SMARCAD1: variants seen among roughly 807,000 people sequenced by gnomAD.
SMARCAD1 encodes the protein SNF2 related chromatin remodeling ATPase with DExD box 1.
In SMARCAD1, 25 loss-of-function variants were observed where a neutral mutation model predicts 127.1. The ratio of observed to expected loss-of-function variants is 0.20; its 90% CI spans 0.14 to 0.27. The LOEUF (loss-of-function observed/expected upper bound fraction) is 0.27. SMARCAD1 is among the 10% of genes least tolerant of loss of function. The pLI, the probability that SMARCAD1 is intolerant of heterozygous loss-of-function variation, is 1.00. For synonymous variants in SMARCAD1, 400 were observed against 396.9 expected, an observed-to-expected ratio of 1.01 and a Z score of -0.09; for missense variants, 807 against 1,206.0, an observed-to-expected ratio of 0.67 and a Z score of 4.90.
intron 2 of SMARCAD1, among the ~76,000 whole-genome samples, chr4:94,219,615 C>T (rs1743771735): frequency 6.6e-6 from 1 of 152,080 alleles, no homozygotes; most frequent in Admixed American, 6.5e-5. Context: ...GAATTACTCC[C>T]TAGGGCCATG....
chr4:94,226,832 G>A (rs1253304198), intron 3 of SMARCAD1, among the ~76,000 whole-genome samples: 1 of 151,834 alleles, frequency 6.6e-6, no homozygotes, highest in Non-Finnish European at 1.5e-5. Flanking sequence ...AAAGGGAAGA[G>A]GAATAGGGAG....
At chr4:94,269,664 CTGT>C (rs200454016) in intron 10 of SMARCAD1, among the ~76,000 whole-genome samples, 252 of 151,430 alleles carry the variant, frequency 1.7e-3, no homozygotes, top group Non-Finnish European at 2.7e-3. Flanking sequence ...TGTTTTCATT[CTGT>C]TGTTGTTGTT....
chr4:94,239,244 A>G (rs1223645138), intron 5 of SMARCAD1, among the ~76,000 whole-genome samples: 3 of 152,132 alleles, frequency 2.0e-5, no homozygotes, highest in Non-Finnish European at 4.4e-5. Flanking sequence ...TGTTATTGAG[A>G]CAGGAAACTA....
At chr4:94,268,838 G>A (rs893083262) in intron 10 of SMARCAD1, among the ~76,000 whole-genome samples, 1 of 152,042 alleles carries the variant, frequency 6.6e-6, no homozygotes, top group African/African-American at 2.4e-5. Flanking sequence ...TCTGAAATAT[G>A]GTAAATATTC....
chr4:94,226,391 T>TC (rs1274844160), intron 3 of SMARCAD1, 95 bp downstream of exon 3: 4 of 919,702 alleles, frequency 4.3e-6, no homozygotes, highest in Non-Finnish European at 6.4e-6. Context: ...GACTTCCCTT[T>TC]TTTTTTTTTT....
intron 6 of SMARCAD1, among the ~76,000 whole-genome samples, chr4:94,242,608 G>A (rs2125888353): frequency 1.3e-5 from 2 of 152,156 alleles, no homozygotes; most frequent in Middle Eastern, 6.8e-3. Flanking sequence ...CCTTTGTAAA[G>A]TCAAGCTGGT....
At chr4:94,213,084 T>G in intron 2 of SMARCAD1, 1 of 1,288,318 alleles carries the variant, frequency 7.8e-7, no homozygotes, top group Non-Finnish European at 1.0e-6. Context: ...AGAGAGATCC[T>G]ACTATATTTT....
intron 6 of SMARCAD1, among the ~76,000 whole-genome samples, chr4:94,243,899 A>G (rs1189074411): frequency 1.3e-5 from 2 of 152,208 alleles, no homozygotes; most frequent in Non-Finnish European, 2.9e-5. Context: ...CACACAGTAC[A>G]TGCAGAGGGA....
chr4:94,275,920 C>G (rs912413576), intron 14 of SMARCAD1, among the ~76,000 whole-genome samples: 9 of 151,524 alleles, frequency 5.9e-5, no homozygotes, highest in Admixed American at 2.0e-4. Context: ...GCCTCAGCCT[C>G]CTGAATAGCT....
rs1747490069 is a variant in SMARCAD1 at position 94,240,966 on chromosome 4, TTAA to T, written c.667_669del (p.Asn223del). ...TCAGAGCCATATGAGGAAGATGAAT[TTAA>T]TGATGATCAATCTATAAAAAAGACA... is the stretch of plus-strand genomic sequence containing the variant. On this transcript the variant is annotated inframe_deletion, in exon 6 of 24. Coordinates refer to ENST00000354268, the MANE Select transcript of SMARCAD1 (RefSeq NM_020159.5). 6.2e-7 allele frequency: 1 copy of T among 1,613,150 alleles called. No homozygotes were observed. The highest frequency in any genetic ancestry group is 8.5e-7 in the Non-Finnish European group (1 of 1,179,520).
intron 2 of SMARCAD1, among the ~76,000 whole-genome samples, chr4:94,211,982 A>G (rs1188378911): frequency 6.6e-5 from 10 of 151,054 alleles, no homozygotes; most frequent in African/African-American, 1.7e-4. Context: ...CTAACATTAC[A>G]TTATATAGTT....
At chr4:94,243,187 C>T (rs1400909844) in intron 6 of SMARCAD1, among the ~76,000 whole-genome samples, 2 of 152,164 alleles carry the variant, frequency 1.3e-5, no homozygotes, top group Admixed American at 1.3e-4. Context: ...GATCCGCCTG[C>T]TTTGGCCTCT....
intron 10 of SMARCAD1, among the ~76,000 whole-genome samples, chr4:94,268,100 CAG>C (rs1305926896): frequency 6.6e-6 from 1 of 152,080 alleles, no homozygotes; most frequent in Admixed American, 6.6e-5. Flanking sequence ...ACAAATCTAA[CAG>C]AACAGCAAAC....
chr4:94,275,163 C>T (rs1475350881), intron 14 of SMARCAD1, among the ~76,000 whole-genome samples, 198 bp downstream of exon 14: 1 of 152,008 alleles, frequency 6.6e-6, no homozygotes, highest in Non-Finnish European at 1.5e-5. Flanking sequence ...TAGTGAATCA[C>T]CTCATTAATG....
At chr4:94,233,491 C>G (rs1746159428) in intron 3 of SMARCAD1, among the ~76,000 whole-genome samples, 1 of 152,172 alleles carries the variant, frequency 6.6e-6, no homozygotes, top group South Asian at 2.1e-4. Flanking sequence ...TTCCTATATT[C>G]AATGGGACCA....
In SMARCAD1 at chr4:94,290,960, G is replaced by T. The variant is rs1325540314; in HGVS notation, c.*1426G>T. 2.2e-6 allele frequency: 1 copy of T among 451,028 alleles called. No homozygotes were observed. 27.9% of individuals were successfully genotyped at this position (451,028 alleles called of 1,614,324 possible). On this transcript the variant is annotated 3_prime_UTR_variant, in exon 24 of 24. Transcript: ENST00000354268. ...AGATATTAAAGACTGAGAACTCACGGCTTAACCCCAGTCTTGATGGTATAT... is the reference window on the plus strand; with the variant it reads ...AGATATTAAAGACTGAGAACTCACGTCTTAACCCCAGTCTTGATGGTATAT...
intron 2 of SMARCAD1, among the ~76,000 whole-genome samples, chr4:94,221,114 T>C (rs1302194700): frequency 6.6e-6 from 1 of 152,246 alleles, no homozygotes; most frequent in Non-Finnish European, 1.5e-5. Flanking sequence ...ACCCCAGTTT[T>C]CAAAGGAAAG....
intron 2 of SMARCAD1, chr4:94,212,886 C>A: frequency 2.5e-6 from 1 of 394,586 alleles, no homozygotes; most frequent in Admixed American, 3.1e-5. Flanking sequence ...CCCTAATGCC[C>A]CTCTAAATCC....
At chr4:94,281,635 A>G (rs1026039795) in intron 21 of SMARCAD1, 45 bp downstream of exon 21, 1 of 1,215,964 alleles carries the variant, frequency 8.2e-7, no homozygotes, top group Admixed American at 1.7e-5. Context: ...CTCATTTATT[A>G]TTATTGTTAG....
Sources: gnomAD v4.1 joint callset for allele counts (sites outside exome capture counted in the v4.1 genomes callset) on GRCh38, gnomAD v4.1.1 for gene constraint, MANE v1.5 for transcripts, NCBI Gene and HGNC (gene_info 2026-07-23, HGNC 2026-07-21) for gene names.